PSMF1: variants seen among roughly 807,000 people sequenced by gnomAD.
The protein encoded by PSMF1 is proteasome inhibitor subunit 1.
PSMF1 carries 30 observed loss-of-function variants against 29.3 expected under a neutral mutation model. That is an observed-to-expected ratio of 1.02 (90% CI 0.77 to 1.39). PSMF1 has a LOEUF of 1.39. PSMF1 is among the 40% of genes most tolerant of loss of function. The pLI, the probability that PSMF1 is intolerant of heterozygous loss-of-function variation, is 0.00. For synonymous variants in PSMF1, 134 were observed against 139.7 expected, an observed-to-expected ratio of 0.96 and a Z score of 0.29; for missense variants, 344 against 357.5, an observed-to-expected ratio of 0.96 and a Z score of 0.31.
At chr20:1,118,979 G>A in intron 1 of PSMF1, 77 bp downstream of exon 1, 2 of 1,539,870 alleles carry the variant, frequency 1.3e-6, no homozygotes, top group South Asian at 2.3e-5. Flanking sequence ...GCCTGGTCCA[G>A]AGCGCCCGAT....
intron 1 of PSMF1, among the ~76,000 whole-genome samples, chr20:1,119,611 C>T (rs1056701880): frequency 1.3e-5 from 2 of 152,202 alleles, no homozygotes; most frequent in African/African-American, 2.4e-5. Context: ...AGCCCCTCTT[C>T]TCCCATCCCC....
upstream of PSMF1, chr20:1,118,293 T>C (rs978172314): frequency 1.3e-5 from 2 of 155,924 alleles, no homozygotes; most frequent in African/African-American, 4.8e-5. Flanking sequence ...TTTAGAATAA[T>C]GTGGACGGTA....
chr20:1,143,184 T>G (rs1007307637), intron 4 of PSMF1, among the ~76,000 whole-genome samples: 1 of 152,168 alleles, frequency 6.6e-6, no homozygotes, highest in Non-Finnish European at 1.5e-5. Flanking sequence ...AGGCAAAGAA[T>G]CTAAGATAGC....
rs962089127 is a variant in PSMF1, at chr20:1,165,503, A to C, written c.*423A>C. ...CCCACTTTTCTTTTTACATTAATGC[A>C]TAGCTGCTTCCATTTATGAGACTTT... On this transcript the variant is annotated 3_prime_UTR_variant, in exon 7 of 7. Coordinates refer to ENST00000335877, the MANE Select transcript of PSMF1 (RefSeq NM_006814.5). The C allele has an allele frequency of 1.7e-5, 17 of 1,013,146 alleles. No homozygotes were observed. The highest frequency in any genetic ancestry group is 5.2e-5 in the African/African-American group (3 of 58,144). The allele number at this position is 1,013,146 out of a possible 1,614,324, so 62.8% of individuals were successfully genotyped here. A position where few individuals can be genotyped will look rare whatever the true frequency, so the allele number is the denominator to read the frequency against.
intron 1 of PSMF1, among the ~76,000 whole-genome samples, chr20:1,124,511 T>C (rs1435776276): frequency 6.6e-6 from 1 of 151,800 alleles, no homozygotes; most frequent in Non-Finnish European, 1.5e-5. Flanking sequence ...CTTGACTTTA[T>C]CTTATAAATT....
Position 1,127,433 on chromosome 20 carries a change from G to A in PSMF1, c.290G>A (p.Gly97Asp), listed in dbSNP as rs758664412. 2 of 1,601,446 alleles carry A rather than the reference G, an allele frequency of 1.2e-6. No homozygotes were observed. Among genetic ancestry groups the A allele is most frequent in the South Asian group, 2.2e-5 (2 of 90,820 alleles). ...CTATTTTCACCCATCTAGGAATATG[G>A]CTCACAGCAAGTGGCAGACTTGACC... Reference protein sequence around the residue: ...SSMILNVLEYGSQQVADLTLN... With the variant: ...SSMILNVLEYDSQQVADLTLN... Residue 97 changes from glycine (G) to aspartate (D), a missense_variant, in exon 3 of 7, where the codon GGC (glycine) becomes GAC (aspartate). By Grantham distance (94) the Gly-to-Asp change is moderately conservative. Coordinates refer to ENST00000335877, the MANE Select transcript of PSMF1 (RefSeq NM_006814.5).
chr20:1,163,300 AGTT>A lies in PSMF1; in HGVS notation c.605+122_605+124del. On this transcript the variant is annotated intron_variant, in intron 5 of 6. Transcript: ENST00000335877. This position sits in a 1 kb window ranked among gnomAD's most constrained non-coding sequence, Gnocchi z 6.1. ...TCTCTTCCTTTGGGGTGGAGGAGGCAGTTGTTGCTGAGCAGCTGAGAAAGCACT... is the reference window on the plus strand; with the variant it reads ...TCTCTTCCTTTGGGGTGGAGGAGGCAGTTGCTGAGCAGCTGAGAAAGCACT... 1.7e-6 allele frequency: 2 copies of A among 1,186,816 alleles called. No homozygotes were observed. Among genetic ancestry groups the A allele is most frequent in the Non-Finnish European group, 2.4e-6 (2 of 821,342 alleles). The allele number at this position is 1,186,816 out of a possible 1,614,324, so 73.5% of individuals were successfully genotyped here. A position where few individuals can be genotyped will look rare whatever the true frequency, so the allele number is the denominator to read the frequency against.
rs1173160762 is a variant in PSMF1, at chr20:1,171,578, G to A, written c.*6498G>A. 4.6e-5 allele frequency among the ~76,000 whole-genome samples: 7 copies of A among 152,202 alleles called. No homozygotes were observed. Among genetic ancestry groups the A allele is most frequent in the African/African-American group, 1.4e-4 (6 of 41,444 alleles). On this transcript the variant is annotated 3_prime_UTR_variant, in exon 7 of 7. Transcript: ENST00000335877. ...CCAAATCAGTCATGGAGGTCCCTGA[G>A]TGACAAAAATATGCAGGACCCCTTC...
chr20:1,155,629 A>G (rs1045961416), intron 4 of PSMF1, among the ~76,000 whole-genome samples: 1 of 152,250 alleles, frequency 6.6e-6, no homozygotes, highest in Admixed American at 6.5e-5. Context: ...GCAGCTGTAC[A>G]TAAGTGAACC....
At chr20:1,122,713 C>T (rs994319109) in intron 1 of PSMF1, among the ~76,000 whole-genome samples, 1 of 152,198 alleles carries the variant, frequency 6.6e-6, no homozygotes, top group Non-Finnish European at 1.5e-5. Flanking sequence ...GTTTACAGGG[C>T]AGTTGCAGAC....
intron 4 of PSMF1, among the ~76,000 whole-genome samples, chr20:1,139,527 G>A (rs2086353550): frequency 6.6e-6 from 1 of 152,076 alleles, no homozygotes; most frequent in Non-Finnish European, 1.5e-5. Flanking sequence ...GTTCAGCAAT[G>A]TGGCAGGATA....
chr20:1,160,143 G>A (rs2086648212), intron 4 of PSMF1, among the ~76,000 whole-genome samples: 1 of 151,948 alleles, frequency 6.6e-6, no homozygotes. Flanking sequence ...GACTGTCACT[G>A]TTTACGCTCT....
intron 4 of PSMF1, among the ~76,000 whole-genome samples, chr20:1,159,863 CACCT>C (rs1464457362): frequency 6.6e-6 from 1 of 152,110 alleles, no homozygotes; most frequent in Non-Finnish European, 1.5e-5. Flanking sequence ...ACTGGAGGAG[CACCT>C]ACTTTTGGAT....
intron 2 of PSMF1, among the ~76,000 whole-genome samples, chr20:1,126,666 G>A (rs2086160729): frequency 6.6e-6 from 1 of 152,098 alleles, no homozygotes; most frequent in Admixed American, 6.6e-5. Context: ...CTTGAGGTCA[G>A]GAGTTTGAGA....
chr20:1,155,973 T>C (rs531665544), intron 4 of PSMF1, among the ~76,000 whole-genome samples: 2 of 152,212 alleles, frequency 1.3e-5, no homozygotes, highest in Non-Finnish European at 2.9e-5. Flanking sequence ...GTTGGAATTA[T>C]TTGACAGGCT....
chr20:1,120,819 C>G (rs1397039850), intron 1 of PSMF1, among the ~76,000 whole-genome samples: 2 of 152,164 alleles, frequency 1.3e-5, no homozygotes, highest in East Asian at 1.9e-4. Flanking sequence ...CTCCCCTTAC[C>G]TACTCCTAGC....
At chr20:1,141,530 C>T (rs866789801) in intron 4 of PSMF1, among the ~76,000 whole-genome samples, 1 of 151,578 alleles carries the variant, frequency 6.6e-6, no homozygotes, top group African/African-American at 2.4e-5. Context: ...TTGTTAGTAC[C>T]TAAACAATAT....
At position 1,164,575 on chromosome 20, in the gene PSMF1, G is replaced by A. The variant is rs1210348020; in HGVS notation, c.764+99G>A. On this transcript the variant is annotated intron_variant, in intron 6 of 6. Transcript: ENST00000335877. The surrounding 1 kb of genome is among the most constrained non-coding windows in gnomAD (Gnocchi z 4.1). ...TTCTAGCCCCAGGCACAGAGCTGCCGCTGCCTTCACCTGTTGCTGCCAGGA... is the reference window on the plus strand; with the variant it reads ...TTCTAGCCCCAGGCACAGAGCTGCCACTGCCTTCACCTGTTGCTGCCAGGA... The A allele has an allele frequency of 3.4e-5, 50 of 1,483,134 alleles. No homozygotes were observed. Among genetic ancestry groups the A allele is most frequent in the Non-Finnish European group, 3.9e-5 (42 of 1,083,884 alleles). 91.9% of individuals were successfully genotyped at this position (1,483,134 alleles called of 1,614,324 possible).
At chr20:1,117,176 G>C (rs972939105), upstream of PSMF1, among the ~76,000 whole-genome samples, 5 of 152,286 alleles carry the variant, frequency 3.3e-5, 1 homozygote, top group South Asian at 2.1e-4. Context: ...AAGGGGATGA[G>C]AGGACAGTTG....
Sources: gnomAD v4.1 joint callset for allele counts (sites outside exome capture counted in the v4.1 genomes callset) on GRCh38, gnomAD v4.1.1 for gene constraint, Gnocchi (gnomAD v3.1) non-coding constraint, MANE v1.5 for transcripts, NCBI Gene and HGNC (gene_info 2026-07-23, HGNC 2026-07-21) for gene names.